Variants in ZNF385D observed in about 807,000 individuals in gnomAD.
ZNF385D encodes the protein zinc finger protein 385D.
Under a neutral mutation model 35.8 loss-of-function variants are expected in ZNF385D, and 15 were observed. The observed-to-expected ratio is 0.42, with a 90% confidence interval of 0.28 to 0.64. The LOEUF (loss-of-function observed/expected upper bound fraction) is 0.64. Among genes scored for constraint, ZNF385D ranks in the 30% least tolerant of loss-of-function variants. The pLI is 0.23. For synonymous variants in ZNF385D, 212 were observed against 186.8 expected, an observed-to-expected ratio of 1.13 and a Z score of -1.10; for missense variants, 474 against 494.6, an observed-to-expected ratio of 0.96 and a Z score of 0.39.
At chr3:21,991,985 T>C (rs1374232397) in intron 3 of ZNF385D, among the ~76,000 whole-genome samples, 1 of 152,186 alleles carries the variant, frequency 6.6e-6, no homozygotes, top group Non-Finnish European at 1.5e-5. Context: ...CTACTATCTG[T>C]GTGAATTTAG....
intron 1 of ZNF385D, among the ~76,000 whole-genome samples, chr3:21,667,384 A>G (rs1472329878): frequency 6.6e-6 from 1 of 151,502 alleles, no homozygotes; most frequent in Admixed American, 6.6e-5. Flanking sequence ...CTGGTCTCAA[A>G]CTCCTGAGCT....
chr3:22,153,551 C>G (rs1033700586), intron 3 of ZNF385D, among the ~76,000 whole-genome samples: 3 of 151,440 alleles, frequency 2.0e-5, no homozygotes, highest in African/African-American at 4.9e-5. Context: ...GCAAACTCCC[C>G]CTCCTGGGTC....
chr3:22,350,103 T>C lies in ZNF385D; in HGVS notation c.106+22347A>G, dbSNP rs867474033. Among the ~76,000 whole-genome samples, 77 of 152,290 alleles carry C rather than the reference T, an allele frequency of 5.1e-4. 1 individual carries two copies. Among genetic ancestry groups the C allele is most frequent in the Admixed American group, 4.8e-3 (73 of 15,292 alleles). ...CTTCTCCTGTCTTATGAATTCACAA[T>C]GCTCAAAGCCTGGATGTCCAATACA... is the stretch of plus-strand genomic sequence containing the variant. On this transcript the variant is annotated intron_variant, in intron 2 of 5. Transcript: ENST00000494108.
At chr3:21,799,528 G>A (rs1049863426) in intron 3 of ZNF385D, among the ~76,000 whole-genome samples, 6 of 152,028 alleles carry the variant, frequency 3.9e-5, no homozygotes, top group African/African-American at 4.8e-5. Context: ...ATATTTTCAC[G>A]TGATTTTTGA....
chr3:22,337,000 C>T (rs1313131970), intron 2 of ZNF385D, among the ~76,000 whole-genome samples: 1 of 131,576 alleles, frequency 7.6e-6, no homozygotes, highest in Non-Finnish European at 1.6e-5. Flanking sequence ...TACTAGTTTT[C>T]TTTATATAAA....
rs191722991 is a variant in ZNF385D at position 22,091,713 on chromosome 3, T to C, written c.325+77104A>G. Among the ~76,000 whole-genome samples the C allele has an allele frequency of 1.2e-3, 183 of 152,244 alleles. 2 individuals are homozygous for C. The highest frequency in any genetic ancestry group is 4.6e-3 in the South Asian group (22 of 4,816). On this transcript the variant is annotated intron_variant, in intron 3 of 5. Transcript: ENST00000494108. ...CGACTGAAGGAGAAACTGGGTCCAT[T>C]TGTGGAAGGCTGCACCATATGGTAA...
At chr3:21,765,218 G>A (rs1161897532) in intron 3 of ZNF385D, among the ~76,000 whole-genome samples, 1 of 124,064 alleles carries the variant, frequency 8.1e-6, no homozygotes, top group South Asian at 2.9e-4. Context: ...GTGTGTGTGT[G>A]AGAGAGAGAG....
chr3:21,731,366 C>T (rs2068987499), intron 1 of ZNF385D, among the ~76,000 whole-genome samples: 1 of 152,074 alleles, frequency 6.6e-6, no homozygotes, highest in Non-Finnish European at 1.5e-5. Context: ...CAGTTTTAGG[C>T]TCACAGCCAT....
intron 2 of ZNF385D, among the ~76,000 whole-genome samples, chr3:22,281,660 C>T (rs114510224): frequency 0.027 from 4,043 of 151,324 alleles, 75 homozygotes; most frequent in Non-Finnish European, 0.038. Context: ...TTTTTGAGGA[C>T]TTTTGCATCT....
intron 4 of ZNF385D, among the ~76,000 whole-genome samples, chr3:21,438,069 A>C (rs1322579530): frequency 6.6e-6 from 1 of 152,112 alleles, no homozygotes; most frequent in Non-Finnish European, 1.5e-5. Context: ...ATCTGGAGAG[A>C]TCAATCTCCA....
chr3:21,803,956 T>C (rs952729253), intron 3 of ZNF385D, among the ~76,000 whole-genome samples: 9 of 152,184 alleles, frequency 5.9e-5, no homozygotes, highest in African/African-American at 1.9e-4. Context: ...CAAACTTTAA[T>C]AGGAACATTG....
chr3:21,421,308 AGT>A lies in ZNF385D; in HGVS notation c.1092_1093del (p.Leu365ValfsTer35). ...CGGAGGAAGCGCGGAAGTCTGGAAC[AGT>A]GTTGCTGCTGGAGCAGTTCGAAGAC... On this transcript the variant is annotated frameshift_variant, in exon 8 of 8. Coordinates refer to ENST00000281523, the MANE Select transcript of ZNF385D (RefSeq NM_024697.3). LOFTEE classifies it high-confidence loss of function. 6.2e-7 allele frequency: 1 copy of A among 1,614,148 alleles called. No individual in the cohort carries two copies. The highest frequency in any genetic ancestry group is 2.2e-5 in the East Asian group (1 of 44,874).
In ZNF385D at chr3:22,331,360, A is replaced by G. The variant is rs369093893; in HGVS notation, c.106+41090T>C. Among the ~76,000 whole-genome samples the G allele has an allele frequency of 1.8e-3, 277 of 149,858 alleles. 7 individuals are homozygous for G. In the South Asian group the frequency reaches 0.03, roughly 16 times the overall value. On this transcript the variant is annotated intron_variant, in intron 2 of 5. Transcript: ENST00000494108. ...AAAACATCTTTATAGTTTCTAAGCA[A>G]TTAATGTAAATAAATTATAGAAACT...
At chr3:22,067,604 A>C (rs1700020415) in intron 3 of ZNF385D, among the ~76,000 whole-genome samples, 1 of 152,236 alleles carries the variant, frequency 6.6e-6, no homozygotes, top group Non-Finnish European at 1.5e-5. Context: ...GGTACACTTC[A>C]ATGTTCACAG....
intron 4 of ZNF385D, among the ~76,000 whole-genome samples, chr3:21,505,638 G>A (rs1706720130): frequency 6.6e-6 from 1 of 152,032 alleles, no homozygotes; most frequent in Non-Finnish European, 1.5e-5. Flanking sequence ...GCCTTGACTG[G>A]ACAAGAAATC....
At chr3:21,449,293 A>C in intron 4 of ZNF385D, among the ~76,000 whole-genome samples, 1 of 149,694 alleles carries the variant, frequency 6.7e-6, no homozygotes, top group East Asian at 1.9e-4. Flanking sequence ...AAAAAAAAAT[A>C]GAAATCTAGT....
chr3:22,137,714 T>C (rs1397970910), intron 3 of ZNF385D, among the ~76,000 whole-genome samples: 1 of 152,086 alleles, frequency 6.6e-6, no homozygotes, highest in East Asian at 1.9e-4. Flanking sequence ...GCCAATATCA[T>C]ACTGAATGGA....
At chr3:22,358,566 T>C (rs937711184) in intron 2 of ZNF385D, among the ~76,000 whole-genome samples, 1 of 151,714 alleles carries the variant, frequency 6.6e-6, no homozygotes, top group Non-Finnish European at 1.5e-5. Context: ...GGAAGTGCGG[T>C]CATAAAATAA....
intron 2 of ZNF385D, among the ~76,000 whole-genome samples, chr3:22,362,259 T>A (rs1010412752): frequency 9.9e-5 from 15 of 151,896 alleles, no homozygotes; most frequent in Admixed American, 2.6e-4. Flanking sequence ...ACTCTAAGTA[T>A]CATCTCTTCA....
Sources: allele counts gnomAD v4.1 joint callset (sites outside exome capture counted in the v4.1 genomes callset), GRCh38; gene constraint gnomAD v4.1.1; transcripts MANE v1.5; gene names NCBI Gene and HGNC (gene_info 2026-07-23, HGNC 2026-07-21).